CPED1: variants seen among roughly 807,000 people sequenced by gnomAD.
The protein encoded by CPED1 is cadherin like and PC-esterase domain containing 1.
In CPED1, 114 loss-of-function variants were observed where a neutral mutation model predicts 128.2. That is an observed-to-expected ratio of 0.89 (90% CI 0.76 to 1.04). The LOEUF is 1.04. CPED1 is among the 50% of genes least tolerant of loss of function. The pLI is 0.00. For missense variants in CPED1, 1,211 were observed against 1,207.1 expected, an observed-to-expected ratio of 1.00 and a Z score of -0.05; for synonymous variants, 462 against 426.7, an observed-to-expected ratio of 1.08 and a Z score of -1.02.
chr7:121,036,191 G>A (rs1285482049), intron 3 of CPED1, among the ~76,000 whole-genome samples: 1 of 152,074 alleles, frequency 6.6e-6, no homozygotes, highest in Non-Finnish European at 1.5e-5. Flanking sequence ...AAGTAACTTA[G>A]TGGTGATTTC....
intron 7 of CPED1, among the ~76,000 whole-genome samples, chr7:121,105,586 T>C (rs1794956425): frequency 6.6e-6 from 1 of 152,132 alleles, no homozygotes; most frequent in Admixed American, 6.6e-5. Context: ...CTACTTTTGC[T>C]TGAATTAAAT....
At chr7:121,229,816 T>TA (rs1798097190) in intron 16 of CPED1, among the ~76,000 whole-genome samples, 1 of 151,938 alleles carries the variant, frequency 6.6e-6, no homozygotes, top group Admixed American at 6.6e-5. Flanking sequence ...GTTCACGTCC[T>TA]AAAAAAAGAA....
At chr7:121,149,050 C>T (rs760119747) in intron 16 of CPED1, among the ~76,000 whole-genome samples, 3 of 152,118 alleles carry the variant, frequency 2.0e-5, no homozygotes, top group Admixed American at 6.6e-5. Flanking sequence ...GGGCTGTCGG[C>T]GTTCTTTCAA....
At chr7:121,041,713 A>C (rs1316536747) in intron 3 of CPED1, among the ~76,000 whole-genome samples, 1 of 152,180 alleles carries the variant, frequency 6.6e-6, no homozygotes, top group Non-Finnish European at 1.5e-5. Context: ...CAGATGCTTC[A>C]TTTTAAAACC....
At chr7:121,256,131 A>AAC (rs1554358599) in intron 18 of CPED1, among the ~76,000 whole-genome samples, 7 of 147,244 alleles carry the variant, frequency 4.8e-5, no homozygotes, top group Non-Finnish European at 9.0e-5. Context: ...AAACAAAACA[A>AAC]AAAAAAAAAA....
intron 7 of CPED1, among the ~76,000 whole-genome samples, chr7:121,119,821 A>G (rs12668590): frequency 0.092 from 13,947 of 151,788 alleles, 723 homozygotes; most frequent in Non-Finnish European, 0.12. Flanking sequence ...ACATGTCCCC[A>G]TTTCCACCTC....
intron 7 of CPED1, among the ~76,000 whole-genome samples, chr7:121,105,380 C>T (rs1300486936): frequency 6.6e-6 from 1 of 152,008 alleles, no homozygotes; most frequent in East Asian, 1.9e-4. Context: ...TATGGTTTTT[C>T]AACCTTAGGA....
At chr7:121,163,353 A>T (rs368455980) in intron 16 of CPED1, among the ~76,000 whole-genome samples, 1 of 152,232 alleles carries the variant, frequency 6.6e-6, no homozygotes, top group Non-Finnish European at 1.5e-5. Context: ...TATTCAAAAC[A>T]TATCTGGTAG....
intron 5 of CPED1, among the ~76,000 whole-genome samples, chr7:121,066,784 G>C (rs1793840030): frequency 6.6e-6 from 1 of 152,022 alleles, no homozygotes; most frequent in African/African-American, 2.4e-5. Context: ...CTGTATCTGT[G>C]GGTTCCACAT....
In CPED1 at chr7:120,989,382, T is replaced by A. The variant is rs189461125; in HGVS notation, c.-231-9T>A. 20 of 512,778 alleles carry A rather than the reference T, an allele frequency of 3.9e-5. No homozygotes were observed. The highest frequency in any genetic ancestry group is 3.7e-4 in the Admixed American group (11 of 29,762). The allele number at this position is 512,778 out of a possible 1,614,324, so 31.8% of individuals were successfully genotyped here. A position where few individuals can be genotyped will look rare whatever the true frequency, so the allele number is the denominator to read the frequency against. Reference sequence around the variant, plus strand: ...ACTATTATTATTTGATGTCTTTTTTTAAACTCAGGTCATCCACTTTTGACT... The same window carrying A: ...ACTATTATTATTTGATGTCTTTTTTAAAACTCAGGTCATCCACTTTTGACT... On this transcript the variant is annotated splice_polypyrimidine_tract_variant and intron_variant, in intron 1 of 22. Coordinates refer to ENST00000310396, the MANE Select transcript of CPED1 (RefSeq NM_024913.5).
At chr7:121,091,279 C>T (rs1437530216) in intron 5 of CPED1, among the ~76,000 whole-genome samples, 3 of 152,132 alleles carry the variant, frequency 2.0e-5, no homozygotes, top group African/African-American at 7.2e-5. Context: ...GAAATGAATT[C>T]CTTTCCTGGG....
At chr7:121,055,982 TATG>T (rs1467598538) in intron 4 of CPED1, among the ~76,000 whole-genome samples, 3 of 152,074 alleles carry the variant, frequency 2.0e-5, no homozygotes, top group Non-Finnish European at 4.4e-5. Context: ...GAACAATTAT[TATG>T]ATAATAGTGT....
intron 16 of CPED1, among the ~76,000 whole-genome samples, chr7:121,192,363 CA>C (rs1797160073): frequency 6.6e-6 from 1 of 152,120 alleles, no homozygotes; most frequent in Non-Finnish European, 1.5e-5. Flanking sequence ...TAGGGCTGCT[CA>C]ACTGGTAAAT....
At chr7:121,256,981 A>G (rs1247430269) in intron 18 of CPED1, among the ~76,000 whole-genome samples, 1 of 152,092 alleles carries the variant, frequency 6.6e-6, no homozygotes, top group African/African-American at 2.4e-5. Flanking sequence ...AGAAAATAAA[A>G]TACTACATTT....
chr7:121,194,681 CGT>C (rs1473947576), intron 16 of CPED1, among the ~76,000 whole-genome samples: 1 of 151,988 alleles, frequency 6.6e-6, no homozygotes, highest in Admixed American at 6.6e-5. Flanking sequence ...TCTAATGTCT[CGT>C]AAAATAAGTT....
At chr7:121,253,306 C>T (rs550593130) in intron 18 of CPED1, among the ~76,000 whole-genome samples, 23 of 109,852 alleles carry the variant, frequency 2.1e-4, no homozygotes, top group Admixed American at 4.3e-4. Flanking sequence ...ACACCGAGGA[C>T]GGTTGTGGGG....
At chr7:121,215,530 T>C (rs1341403383) in intron 16 of CPED1, among the ~76,000 whole-genome samples, 1 of 152,122 alleles carries the variant, frequency 6.6e-6, no homozygotes, top group African/African-American at 2.4e-5. Context: ...GCACAGTAAC[T>C]GTGATTTGAA....
chr7:121,079,072 A>G (rs2116127375), intron 5 of CPED1, among the ~76,000 whole-genome samples: 1 of 152,268 alleles, frequency 6.6e-6, no homozygotes, highest in African/African-American at 2.4e-5. Context: ...GGCACACTCA[A>G]GTGATTTCAT....
At chr7:121,189,777 T>C (rs954450048) in intron 16 of CPED1, among the ~76,000 whole-genome samples, 1 of 77,372 alleles carries the variant, frequency 1.3e-5, no homozygotes, top group Non-Finnish European at 2.6e-5. Flanking sequence ...TATATATATA[T>C]ATATATATAT....
Sources: allele counts gnomAD v4.1 joint callset (sites outside exome capture counted in the v4.1 genomes callset), GRCh38; gene constraint gnomAD v4.1.1; transcripts MANE v1.5; gene names NCBI Gene and HGNC (gene_info 2026-07-23, HGNC 2026-07-21).